Variants in PNLIPRP3 observed in about 807,000 individuals in gnomAD.
PNLIPRP3 encodes pancreatic lipase-related protein 3.
Under a neutral mutation model 52.8 loss-of-function variants are expected in PNLIPRP3, and 58 were observed. That is an observed-to-expected ratio of 1.10 (90% CI 0.89 to 1.37). The LOEUF (loss-of-function observed/expected upper bound fraction) is 1.37, where lower values mean the gene tolerates loss of function less well. PNLIPRP3 is among the 40% of genes most tolerant of loss of function. The pLI is 0.00. For missense variants in PNLIPRP3, 593 were observed against 561.6 expected (o/e 1.06, Z -0.57); for synonymous variants, 192 against 185.0 (o/e 1.04, Z -0.31).
chr10:116,443,047 T>G lies in PNLIPRP3; in HGVS notation c.205-8T>G. On this transcript the variant is annotated splice_region_variant and splice_polypyrimidine_tract_variant and intron_variant, in intron 2 of 11. Coordinates refer to ENST00000369230, the MANE Select transcript of PNLIPRP3 (RefSeq NM_001011709.3). ...TATTTTTCCTTAATCTCTTTCTGCT[T>G]GAAACAGGAGATCAGTGCGGTTAAT... The G allele has an allele frequency of 6.4e-7, 1 of 1,563,700 alleles. No homozygotes were observed. Among genetic ancestry groups the G allele is most frequent in the Non-Finnish European group, 8.7e-7 (1 of 1,149,984 alleles).
At chr10:116,451,865 C>G (rs1190999057) in intron 4 of PNLIPRP3, among the ~76,000 whole-genome samples, 1 of 152,032 alleles carries the variant, frequency 6.6e-6, no homozygotes, top group Non-Finnish European at 1.5e-5. Flanking sequence ...TAAAAAGGAG[C>G]AGGGCATTGC....
chr10:116,446,927 C>A (rs1388268775), intron 4 of PNLIPRP3, among the ~76,000 whole-genome samples: 1 of 152,062 alleles, frequency 6.6e-6, no homozygotes, highest in Non-Finnish European at 1.5e-5. Context: ...TTTCTGGGGG[C>A]TGCTTAGGGT....
In PNLIPRP3 at chr10:116,461,187, T is replaced by C. The variant is rs957546861; in HGVS notation, c.705T>C (p.Ala235=). The part of the protein sequence containing the change: ...LFELGVGTID[A]CGHLDFYPNG... ...TTTCAGGTGTTGGAACCATTGATGCTTGTGGTCATCTTGACTTTTACCCAA... is the reference window on the plus strand; with the variant it reads ...TTTCAGGTGTTGGAACCATTGATGCCTGTGGTCATCTTGACTTTTACCCAA... Residue 235 remains alanine (A), a synonymous_variant, in exon 7 of 12, where the codon GCT becomes GCC. Coordinates refer to ENST00000369230, the MANE Select transcript of PNLIPRP3 (RefSeq NM_001011709.3). 3.1e-6 allele frequency: 5 copies of C among 1,613,758 alleles called. No homozygotes were observed. In the African/African-American group the frequency reaches 5.3e-5, roughly 17 times the overall value.
At chr10:116,442,511 A>T (rs1302038224) in intron 2 of PNLIPRP3, among the ~76,000 whole-genome samples, 1 of 152,210 alleles carries the variant, frequency 6.6e-6, no homozygotes, top group Non-Finnish European at 1.5e-5. Flanking sequence ...TGCAAACATT[A>T]CTTTAAAAAT....
chr10:116,433,463 A>C (rs970782151), intron 1 of PNLIPRP3, among the ~76,000 whole-genome samples: 21 of 152,200 alleles, frequency 1.4e-4, no homozygotes, highest in African/African-American at 5.1e-4. Context: ...AAAGTTTCTG[A>C]TAATTAAATA....
intron 1 of PNLIPRP3, among the ~76,000 whole-genome samples, chr10:116,435,534 G>A (rs983627588): frequency 3.9e-5 from 6 of 151,948 alleles, no homozygotes; most frequent in African/African-American, 1.5e-4. Context: ...AGTGGGATGC[G>A]CTGGGTTATT....
At chr10:116,465,969 A>T in intron 7 of PNLIPRP3, 81 bp from the exon 8 acceptor site, 1 of 1,018,292 alleles carries the variant, frequency 9.8e-7, no homozygotes, top group Non-Finnish European at 1.5e-6. Flanking sequence ...ACTGCCACTT[A>T]CAGTTACTGT....
chr10:116,454,374 T>C (rs889380649), intron 4 of PNLIPRP3, among the ~76,000 whole-genome samples: 1 of 152,176 alleles, frequency 6.6e-6, no homozygotes, highest in Non-Finnish European at 1.5e-5. Context: ...CGCCTCAGCC[T>C]CCCAAAGTGC....
intron 4 of PNLIPRP3, among the ~76,000 whole-genome samples, chr10:116,449,037 T>A (rs867313818): frequency 1.4e-4 from 20 of 142,760 alleles, no homozygotes; most frequent in African/African-American, 4.7e-4. Flanking sequence ...AAAAAAAAAA[T>A]TTCTAATTAG....
At chr10:116,445,733 GA>G (rs2133123986) in intron 4 of PNLIPRP3, among the ~76,000 whole-genome samples, 1 of 152,286 alleles carries the variant, frequency 6.6e-6, no homozygotes, top group East Asian at 1.9e-4. Context: ...TCATTGAATT[GA>G]ATAGGCAGCC....
At chr10:116,443,587 G>A (rs1157268926) in intron 3 of PNLIPRP3, among the ~76,000 whole-genome samples, 2 of 144,030 alleles carry the variant, frequency 1.4e-5, no homozygotes, top group East Asian at 2.1e-4. Flanking sequence ...CCTATCTCAC[G>A]GAGTGAGAAT....
intron 4 of PNLIPRP3, among the ~76,000 whole-genome samples, chr10:116,447,722 T>C (rs1369308271): frequency 1.3e-5 from 2 of 152,060 alleles, no homozygotes; most frequent in African/African-American, 4.8e-5. Flanking sequence ...GATCACTTGA[T>C]GTCAGGAAGT....
At chr10:116,435,765 A>T (rs1845765535) in intron 1 of PNLIPRP3, among the ~76,000 whole-genome samples, 1 of 152,222 alleles carries the variant, frequency 6.6e-6, no homozygotes, top group South Asian at 2.1e-4. Flanking sequence ...CTATTTTAAA[A>T]TTTAGTTATT....
At position 116,466,063 on chromosome 10, in the gene PNLIPRP3, C is replaced by T. The variant is rs1184401756; in HGVS notation, c.822C>T (p.Phe274=). 6.2e-7 allele frequency: 1 copy of T among 1,612,932 alleles called. No homozygotes were observed. Among genetic ancestry groups the T allele is most frequent in the Admixed American group, 1.7e-5 (1 of 59,942 alleles). ...TTGTTTTCACAGAAATGGCTTCCTT[C>T]TTTGACTGTAACCATGCCCGAAGTT... ...FNAYKKEMAS[F]FDCNHARSYQ... The change falls in exon 8 of 12, where the codon TTC becomes TTT. Residue 274 remains phenylalanine (F), a synonymous_variant. Transcript: ENST00000369230.
chr10:116,452,166 G>A (rs951578158), intron 4 of PNLIPRP3, among the ~76,000 whole-genome samples: 1 of 152,164 alleles, frequency 6.6e-6, no homozygotes, highest in South Asian at 2.1e-4. Flanking sequence ...GGGATCTGTG[G>A]TATGTTGAAC....
chr10:116,466,190 G>A, intron 8 of PNLIPRP3, 22 bp downstream of exon 8: 1 of 1,503,228 alleles, frequency 6.7e-7, no homozygotes, highest in Non-Finnish European at 9.2e-7. Flanking sequence ...ATCTTACTTG[G>A]AATTTAATTA....
At chr10:116,429,423 T>C (rs1162461731) in intron 1 of PNLIPRP3, among the ~76,000 whole-genome samples, 1 of 152,142 alleles carries the variant, frequency 6.6e-6, no homozygotes, top group Non-Finnish European at 1.5e-5. Flanking sequence ...ATTTGGGACA[T>C]ATTAGTAGTG....
chr10:116,432,711 A>T (rs1371647099), intron 1 of PNLIPRP3, among the ~76,000 whole-genome samples: 4 of 152,234 alleles, frequency 2.6e-5, no homozygotes, highest in African/African-American at 9.6e-5. Flanking sequence ...TTGAAATTCT[A>T]GATGAAAGTC....
At chr10:116,456,300 A>G (rs7090296) in intron 5 of PNLIPRP3, among the ~76,000 whole-genome samples, 120,932 of 152,014 alleles carry the variant, frequency 0.8, 51,923 homozygotes, top group Non-Finnish European at 0.97. Context: ...ACAATAATTT[A>G]TTACATGTTT....
Sources: gnomAD v4.1 joint callset for allele counts (sites outside exome capture counted in the v4.1 genomes callset) on GRCh38, gnomAD v4.1.1 for gene constraint, MANE v1.5 for transcripts, NCBI Gene and HGNC (gene_info 2026-07-23, HGNC 2026-07-21) for gene names.